FCHSD2: variants seen among roughly 807,000 people sequenced by gnomAD.
FCHSD2 encodes FCH and double SH3 domains 2, also known as F-BAR and double SH3 domains protein 2.
A neutral mutation model predicts 108.1 loss-of-function variants in FCHSD2; 38 were observed. The ratio of observed to expected loss-of-function variants is 0.35; its 90% CI spans 0.27 to 0.46. The LOEUF (loss-of-function observed/expected upper bound fraction) is 0.46, where lower values mean the gene tolerates loss of function less well. Among genes scored for constraint, FCHSD2 ranks in the 20% least tolerant of loss-of-function variants. The pLI, the probability that FCHSD2 is intolerant of heterozygous loss-of-function variation, is 1.00. For missense variants in FCHSD2, 751 were observed against 897.8 expected (o/e 0.84, Z 2.09); for synonymous variants, 279 against 314.7 (o/e 0.89, Z 1.20).
chr11:72,934,892 C>A (rs1242811149), intron 8 of FCHSD2, among the ~76,000 whole-genome samples: 2 of 152,042 alleles, frequency 1.3e-5, no homozygotes, highest in African/African-American at 4.8e-5. Context: ...GACCTTTGAC[C>A]AGCAATATGT....
intron 2 of FCHSD2, among the ~76,000 whole-genome samples, chr11:73,085,284 G>A (rs1364213252): frequency 6.6e-6 from 1 of 152,112 alleles, no homozygotes; most frequent in Non-Finnish European, 1.5e-5. Flanking sequence ...CAATGAGAGA[G>A]GATTCTGGGA....
chr11:73,070,583 C>T (rs1480439330), intron 3 of FCHSD2, among the ~76,000 whole-genome samples: 2 of 152,036 alleles, frequency 1.3e-5, no homozygotes, highest in Non-Finnish European at 1.5e-5. Context: ...GCCACCATGT[C>T]TGGCTAATTT....
At chr11:72,860,793 G>C (rs1402980909) in intron 13 of FCHSD2, among the ~76,000 whole-genome samples, 2 of 151,538 alleles carry the variant, frequency 1.3e-5, no homozygotes, top group Admixed American at 6.6e-5. Flanking sequence ...ACTCCAGCCT[G>C]AGTGACAGAG....
chr11:72,969,048 T>A (rs1394124046), intron 8 of FCHSD2, among the ~76,000 whole-genome samples: 1 of 152,210 alleles, frequency 6.6e-6, no homozygotes, highest in African/African-American at 2.4e-5. Context: ...TCATATAGAT[T>A]TTCTTTGAAA....
At chr11:72,925,261 A>C (rs561901396) in intron 8 of FCHSD2, among the ~76,000 whole-genome samples, 2 of 152,304 alleles carry the variant, frequency 1.3e-5, no homozygotes, top group African/African-American at 4.8e-5. Context: ...AATCAGGATC[A>C]TTTCTGATTA....
intron 8 of FCHSD2, among the ~76,000 whole-genome samples, chr11:72,943,937 T>G (rs535331284): frequency 6.6e-6 from 1 of 152,328 alleles, no homozygotes; most frequent in East Asian, 1.9e-4. Flanking sequence ...TTATTCATTG[T>G]GATGCTGCCA....
chr11:72,855,982 C>A (rs1056723874), intron 13 of FCHSD2, among the ~76,000 whole-genome samples: 2 of 152,172 alleles, frequency 1.3e-5, no homozygotes, highest in African/African-American at 4.8e-5. Flanking sequence ...TTGTTTCTTG[C>A]CCGCTACACC....
At chr11:72,853,534 C>T (rs994266307) in intron 13 of FCHSD2, among the ~76,000 whole-genome samples, 3 of 152,096 alleles carry the variant, frequency 2.0e-5, no homozygotes, top group East Asian at 3.8e-4. Context: ...CCTGCCTCAG[C>T]CTCCCAAGTA....
At chr11:72,839,347 G>A (rs1860833380) in intron 19 of FCHSD2, among the ~76,000 whole-genome samples, 1 of 152,158 alleles carries the variant, frequency 6.6e-6, no homozygotes, top group Admixed American at 6.5e-5. Flanking sequence ...GTAGGCAAAA[G>A]AGGAGTTTTT....
intron 3 of FCHSD2, among the ~76,000 whole-genome samples, chr11:73,044,391 A>G (rs1378705939): frequency 1.3e-5 from 2 of 152,142 alleles, no homozygotes; most frequent in East Asian, 1.9e-4. Context: ...CAGCCTGGGC[A>G]ACACAGTGAG....
At chr11:73,111,839 CTGAT>C (rs1860493858) in intron 2 of FCHSD2, among the ~76,000 whole-genome samples, 2 of 152,102 alleles carry the variant, frequency 1.3e-5, no homozygotes, top group Non-Finnish European at 2.9e-5. Context: ...GATGACAACA[CTGAT>C]TGCATAAACA....
At chr11:72,941,245 C>A in intron 8 of FCHSD2, 1 of 208,304 alleles carries the variant, frequency 4.8e-6, no homozygotes. Context: ...CTATGTGTCC[C>A]CAGTAAATGA....
At chr11:73,014,906 T>A (rs941334432) in intron 4 of FCHSD2, among the ~76,000 whole-genome samples, 7 of 152,026 alleles carry the variant, frequency 4.6e-5, no homozygotes, top group African/African-American at 1.7e-4. Flanking sequence ...TGCAGTGACA[T>A]GATTTCGGCT....
At chr11:72,948,269 A>G (rs913745618) in intron 8 of FCHSD2, among the ~76,000 whole-genome samples, 1 of 152,206 alleles carries the variant, frequency 6.6e-6, no homozygotes, top group Non-Finnish European at 1.5e-5. Context: ...CAGCCTCCCA[A>G]AATGCTGGGA....
At chr11:72,917,248 G>C (rs1187430662) in intron 9 of FCHSD2, among the ~76,000 whole-genome samples, 1 of 152,100 alleles carries the variant, frequency 6.6e-6, no homozygotes, top group Admixed American at 6.5e-5. Context: ...CTCTCAAAGT[G>C]TTGGGATTAC....
intron 8 of FCHSD2, among the ~76,000 whole-genome samples, chr11:72,962,844 C>T (rs368565080): frequency 6.6e-6 from 1 of 151,724 alleles, no homozygotes; most frequent in Non-Finnish European, 1.5e-5. Context: ...ACAGAACTGC[C>T]ACAAAAGTTA....
At chr11:72,885,910 G>A (rs1042467685) in intron 12 of FCHSD2, among the ~76,000 whole-genome samples, 1 of 152,222 alleles carries the variant, frequency 6.6e-6, no homozygotes, top group African/African-American at 2.4e-5. Flanking sequence ...GAACAGGAAT[G>A]AAGTGGAGGT....
chr11:72,997,631 G>A (rs547186685), intron 5 of FCHSD2, among the ~76,000 whole-genome samples: 1 of 152,208 alleles, frequency 6.6e-6, no homozygotes, highest in African/African-American at 2.4e-5. Context: ...CAGAAATATG[G>A]AATGTAGTAT....
intron 9 of FCHSD2, among the ~76,000 whole-genome samples, chr11:72,907,954 C>A (rs896478907): frequency 6.6e-6 from 1 of 152,064 alleles, no homozygotes; most frequent in African/African-American, 2.4e-5. Flanking sequence ...ATTGTGTCAT[C>A]GAATATAGAT....
Sources: gnomAD v4.1 joint callset for allele counts (sites outside exome capture counted in the v4.1 genomes callset) on GRCh38, gnomAD v4.1.1 for gene constraint, MANE v1.5 for transcripts, NCBI Gene and HGNC (gene_info 2026-07-23, HGNC 2026-07-21) for gene names.